Variants in C1orf141 observed in about 807,000 individuals in gnomAD.
C1orf141 encodes uncharacterized protein C1orf141.
Under a neutral mutation model 23.2 loss-of-function variants are expected in C1orf141, and 19 were observed. The observed-to-expected ratio is 0.82, with a 90% CI of 0.57 to 1.20. C1orf141 has a LOEUF of 1.20. Ranked by LOEUF, C1orf141 falls within the 50% of genes most tolerant of loss-of-function variation. The probability of loss-of-function intolerance (pLI) is 0.00; values close to 1 mark genes in which losing one functional copy is unlikely to be tolerated. For synonymous variants in C1orf141, 153 were observed against 154.6 expected, an observed-to-expected ratio of 0.99 and a Z score of 0.08; for missense variants, 469 against 455.1, an observed-to-expected ratio of 1.03 and a Z score of -0.28.
At chr1:67,137,762 CTTTCT>C (rs1051723765), upstream of C1orf141, among the ~76,000 whole-genome samples, 15 of 152,224 alleles carry the variant, frequency 9.9e-5, no homozygotes, top group Non-Finnish European at 2.1e-4. Flanking sequence ...AAAGGCCGGA[CTTTCT>C]TTTCTTTGGG....
At chr1:67,139,995 C>T (rs961787893) in intron 1 of C1orf141, among the ~76,000 whole-genome samples, 13 of 152,118 alleles carry the variant, frequency 8.5e-5, no homozygotes, top group Non-Finnish European at 1.5e-5. Flanking sequence ...AAGCATAACC[C>T]CCTCACCATG....
upstream of C1orf141, among the ~76,000 whole-genome samples, chr1:67,139,670 T>C (rs1471470929): frequency 6.6e-6 from 1 of 152,256 alleles, no homozygotes; most frequent in Non-Finnish European, 1.5e-5. Flanking sequence ...TGTTGAACTT[T>C]AATCTCCAGT....
intron 5 of C1orf141, among the ~76,000 whole-genome samples, chr1:67,096,993 A>AC (rs1160164439): frequency 6.6e-6 from 1 of 151,990 alleles, no homozygotes; most frequent in African/African-American, 2.4e-5. Context: ...CACACCTATA[A>AC]CCCCCTCCAA....
At chr1:67,139,713 T>G (rs1570747740), upstream of C1orf141, among the ~76,000 whole-genome samples, 1 of 152,334 alleles carries the variant, frequency 6.6e-6, no homozygotes, top group East Asian at 1.9e-4. Context: ...CCTTAATTTA[T>G]ATTTTTTAAA....
intron 5 of C1orf141, among the ~76,000 whole-genome samples, chr1:67,105,429 A>G (rs928484576): frequency 6.6e-6 from 1 of 152,062 alleles, no homozygotes; most frequent in Non-Finnish European, 1.5e-5. Flanking sequence ...ATATTAGTCT[A>G]TGACATGGCA....
At chr1:67,130,680 G>A (rs1646500192) in intron 2 of C1orf141, among the ~76,000 whole-genome samples, 1 of 152,172 alleles carries the variant, frequency 6.6e-6, no homozygotes, top group Non-Finnish European at 1.5e-5. Context: ...GAAAATCACT[G>A]TGCAGATCAT....
intron 1 of C1orf141, among the ~76,000 whole-genome samples, chr1:67,134,069 T>A (rs1362575507): frequency 3.3e-5 from 5 of 152,216 alleles, no homozygotes; most frequent in African/African-American, 9.6e-5. Flanking sequence ...GTGGCTGCGA[T>A]CTCAGCTCAC....
chr1:67,126,810 C>A (rs1397385861), intron 3 of C1orf141, among the ~76,000 whole-genome samples: 1 of 152,180 alleles, frequency 6.6e-6, no homozygotes, highest in African/African-American at 2.4e-5. Context: ...AAAGATCGCA[C>A]CAGCAATCAC....
chr1:67,107,995 T>C (rs894778015), intron 5 of C1orf141, among the ~76,000 whole-genome samples: 7 of 152,164 alleles, frequency 4.6e-5, no homozygotes, highest in Non-Finnish European at 1.0e-4. Flanking sequence ...AGTAAGGTGG[T>C]TGAGAACTCT....
rs574389885 is a variant in C1orf141 at position 67,100,599 on chromosome 1, A to G, written c.347-4278T>C. 1.5e-4 allele frequency among the ~76,000 whole-genome samples: 23 copies of G among 152,278 alleles called. No homozygotes were observed. In the East Asian group the frequency reaches 4.4e-3, roughly 29 times the overall value. On this transcript the variant is annotated intron_variant, in intron 5 of 7. Transcript: ENST00000684719. ...GTACAAATTCTGCCAAAATGTGACC[A>G]TCAGCTATCTTTTAAATTATGACCT... is the stretch of plus-strand genomic sequence containing the variant.
At chr1:67,117,649 G>A (rs1646222234) in intron 4 of C1orf141, among the ~76,000 whole-genome samples, 1 of 152,110 alleles carries the variant, frequency 6.6e-6, no homozygotes, top group African/African-American at 2.4e-5. Flanking sequence ...GTGAGAATGG[G>A]CATTGTTCTG....
At chr1:67,130,327 T>C (rs1224093748) in intron 2 of C1orf141, among the ~76,000 whole-genome samples, 5 of 152,216 alleles carry the variant, frequency 3.3e-5, no homozygotes, top group African/African-American at 9.7e-5. Flanking sequence ...GAAGAATCAA[T>C]GTATTGAAGT....
chr1:67,134,115 T>C (rs943799734), intron 1 of C1orf141, among the ~76,000 whole-genome samples: 1 of 152,208 alleles, frequency 6.6e-6, no homozygotes, highest in Non-Finnish European at 1.5e-5. Flanking sequence ...GCGATTCTCC[T>C]GCCTCAGCCT....
intron 1 of C1orf141, among the ~76,000 whole-genome samples, chr1:67,134,727 C>T (rs72925198): frequency 0.033 from 5,099 of 152,268 alleles, 288 homozygotes; most frequent in African/African-American, 0.12. Context: ...GGAAGAGCCC[C>T]CCGGGCTCGC....
At chr1:67,118,885 C>T (rs1646248736) in intron 4 of C1orf141, among the ~76,000 whole-genome samples, 3 of 152,176 alleles carry the variant, frequency 2.0e-5, no homozygotes, top group African/African-American at 7.2e-5. Context: ...TGATCTTGGA[C>T]TTCCTGGCCT....
intron 2 of C1orf141, among the ~76,000 whole-genome samples, chr1:67,128,389 A>C (rs112415517): frequency 0.12 from 14,632 of 117,372 alleles, 1,216 homozygotes; most frequent in African/African-American, 0.26. Flanking sequence ...TTATTTATTT[A>C]TTTATTTATT....
intron 2 of C1orf141, 53 bp downstream of exon 2, chr1:67,131,089 A>G (rs1395756588): frequency 1.3e-5 from 2 of 152,406 alleles, no homozygotes; most frequent in East Asian, 3.8e-4. Context: ...CTAATCTTTT[A>G]ATGCAAAATG....
intron 5 of C1orf141, among the ~76,000 whole-genome samples, chr1:67,114,993 T>G (rs1361288377): frequency 6.6e-6 from 1 of 152,204 alleles, no homozygotes; most frequent in Non-Finnish European, 1.5e-5. Flanking sequence ...TTCCTAAAAT[T>G]TCTAACTTGA....
upstream of C1orf141, among the ~76,000 whole-genome samples, chr1:67,136,242 T>G (rs183653406): frequency 1.3e-5 from 2 of 152,296 alleles, no homozygotes; most frequent in Non-Finnish European, 2.9e-5. Flanking sequence ...GGTCTCACTA[T>G]GTTGCCCAGG....
Sources: gnomAD v4.1 joint callset for allele counts (sites outside exome capture counted in the v4.1 genomes callset) on GRCh38, gnomAD v4.1.1 for gene constraint, MANE v1.5 for transcripts, NCBI Gene and HGNC (gene_info 2026-07-23, HGNC 2026-07-21) for gene names.